Variants in CTNNA3 observed in about 807,000 individuals in gnomAD.
CTNNA3 encodes the protein catenin alpha-3.
In CTNNA3, 76 loss-of-function variants were observed where a neutral mutation model predicts 95.7. The ratio of observed to expected loss-of-function variants is 0.79; its 90% CI spans 0.66 to 0.96. The LOEUF (loss-of-function observed/expected upper bound fraction) is 0.96, where lower values mean the gene tolerates loss of function less well. Ranked by LOEUF, CTNNA3 falls within the 40% of genes least tolerant of loss-of-function variation. The pLI, the probability that CTNNA3 is intolerant of heterozygous loss-of-function variation, is 0.00. For missense variants in CTNNA3, 1,191 were observed against 1,089.8 expected (o/e 1.09, Z -1.31); for synonymous variants, 431 against 374.4 (o/e 1.15, Z -1.74).
At chr10:66,043,153 AAG>A (rs1160878030) in intron 15 of CTNNA3, among the ~76,000 whole-genome samples, 6 of 132,354 alleles carry the variant, frequency 4.5e-5, no homozygotes, top group African/African-American at 1.7e-4. Context: ...AAAAAAAAAA[AAG>A]AGAGAGAGAG....
At chr10:66,468,117 T>A (rs74587503) in intron 11 of CTNNA3, among the ~76,000 whole-genome samples, 1 of 152,036 alleles carries the variant, frequency 6.6e-6, no homozygotes, top group Non-Finnish European at 1.5e-5. Context: ...AATCAAGAAA[T>A]TCTTATTTGT....
intron 1 of CTNNA3, among the ~76,000 whole-genome samples, chr10:67,754,924 A>G (rs1397026890): frequency 6.6e-6 from 1 of 152,322 alleles, no homozygotes; most frequent in East Asian, 1.9e-4. Flanking sequence ...ATGGCTGGAC[A>G]TGGTGTCTCA....
rs115318040 is a variant in CTNNA3, at chr10:66,563,776, T to C, written c.1375-43003A>G. 4.5e-3 allele frequency among the ~76,000 whole-genome samples: 688 copies of C among 152,200 alleles called. 4 individuals carry two copies. The highest frequency in any genetic ancestry group is 0.013 in the African/African-American group (545 of 41,532). On this transcript the variant is annotated intron_variant, in intron 10 of 17. Transcript: ENST00000433211. ...ACAAATGCACATCTGATTGCTTCCTTTGCCCTATTGTTTCACGAAGCCAGA... is the reference window on the plus strand; with the variant it reads ...ACAAATGCACATCTGATTGCTTCCTCTGCCCTATTGTTTCACGAAGCCAGA...
At chr10:66,885,052 A>G (rs921447092) in intron 7 of CTNNA3, among the ~76,000 whole-genome samples, 1 of 152,172 alleles carries the variant, frequency 6.6e-6, no homozygotes, top group African/African-American at 2.4e-5. Context: ...CAAGAACCTG[A>G]AGCAATAATG....
intron 10 of CTNNA3, among the ~76,000 whole-genome samples, chr10:66,546,139 C>A (rs1426796705): frequency 6.6e-6 from 1 of 151,742 alleles, no homozygotes; most frequent in Non-Finnish European, 1.5e-5. Flanking sequence ...GTTTACTACT[C>A]TTATTTCCTA....
At chr10:66,262,456 T>C (rs953090008) in intron 13 of CTNNA3, among the ~76,000 whole-genome samples, 4 of 152,058 alleles carry the variant, frequency 2.6e-5, no homozygotes, top group African/African-American at 9.7e-5. Flanking sequence ...AGGAGCTGTG[T>C]CAACAGTAGT....
At chr10:67,756,921 G>C (rs762605550) in intron 1 of CTNNA3, among the ~76,000 whole-genome samples, 1 of 152,244 alleles carries the variant, frequency 6.6e-6, no homozygotes, top group Middle Eastern at 3.4e-3. Flanking sequence ...TAGGGGAAAG[G>C]ACTAAAAGAA....
intron 5 of CTNNA3, among the ~76,000 whole-genome samples, chr10:67,233,000 G>C (rs1194842267): frequency 6.6e-6 from 1 of 152,208 alleles, no homozygotes; most frequent in African/African-American, 2.4e-5. Flanking sequence ...GGAGCACCCA[G>C]ATTCGTAAAG....
At chr10:66,866,936 T>G (rs1835770343) in intron 7 of CTNNA3, among the ~76,000 whole-genome samples, 1 of 152,110 alleles carries the variant, frequency 6.6e-6, no homozygotes, top group Non-Finnish European at 1.5e-5. Context: ...ATAGAGGTGG[T>G]TTCCTCCATA....
chr10:66,148,775 G>T (rs2084030593), intron 13 of CTNNA3, among the ~76,000 whole-genome samples: 1 of 152,078 alleles, frequency 6.6e-6, no homozygotes, highest in Admixed American at 6.6e-5. Flanking sequence ...GCAGGTTCAG[G>T]CTAAGGCATT....
chr10:65,950,748 T>G (rs545428833), intron 17 of CTNNA3, among the ~76,000 whole-genome samples: 1 of 152,206 alleles, frequency 6.6e-6, no homozygotes, highest in African/African-American at 2.4e-5. Flanking sequence ...AAATTCCTTT[T>G]GAATAATATG....
chr10:66,899,401 A>G (rs1845630164), intron 7 of CTNNA3, among the ~76,000 whole-genome samples: 1 of 152,176 alleles, frequency 6.6e-6, no homozygotes, highest in South Asian at 2.1e-4. Flanking sequence ...CGTTTCCAAG[A>G]TGGCCAAATA....
chr10:67,714,923 C>T (rs953686920), intron 1 of CTNNA3, among the ~76,000 whole-genome samples: 2 of 152,182 alleles, frequency 1.3e-5, no homozygotes, highest in Non-Finnish European at 2.9e-5. Context: ...CTTTCACCTT[C>T]CACCATGATT....
intron 11 of CTNNA3, among the ~76,000 whole-genome samples, chr10:66,511,108 C>G (rs564495630): frequency 1.3e-5 from 2 of 151,614 alleles, no homozygotes; most frequent in African/African-American, 4.8e-5. Context: ...TTGGTTCAAT[C>G]TTGGTATTTT....
chr10:67,668,032 T>G (rs1840362136), intron 1 of CTNNA3, among the ~76,000 whole-genome samples: 1 of 152,196 alleles, frequency 6.6e-6, no homozygotes, highest in Non-Finnish European at 1.5e-5. Context: ...TGTTTCTAGT[T>G]ACCCACTTAA....
chr10:67,528,539 C>T (rs573997511), intron 4 of CTNNA3, among the ~76,000 whole-genome samples: 4 of 152,314 alleles, frequency 2.6e-5, no homozygotes, highest in African/African-American at 9.6e-5. Context: ...CCCTCTGCCC[C>T]ACTACCTTCT....
chr10:66,635,399 A>G (rs1845299818), intron 9 of CTNNA3, among the ~76,000 whole-genome samples: 2 of 152,128 alleles, frequency 1.3e-5, no homozygotes, highest in African/African-American at 4.8e-5. Flanking sequence ...TAGATGTCAA[A>G]ACAATGCTAT....
intron 13 of CTNNA3, among the ~76,000 whole-genome samples, chr10:66,194,163 C>T (rs1197143445): frequency 1.3e-5 from 2 of 152,142 alleles, no homozygotes; most frequent in African/African-American, 2.4e-5. Context: ...ACCTGGGAGA[C>T]ACTTTTTAAA....
At chr10:66,567,972 C>T (rs1206750178) in intron 10 of CTNNA3, among the ~76,000 whole-genome samples, 3 of 152,190 alleles carry the variant, frequency 2.0e-5, no homozygotes, top group Middle Eastern at 3.2e-3. Flanking sequence ...GGAACAACTA[C>T]ACTAAAATAT....
Sources: gnomAD v4.1 joint callset for allele counts (sites outside exome capture counted in the v4.1 genomes callset) on GRCh38, gnomAD v4.1.1 for gene constraint, MANE v1.5 for transcripts, NCBI Gene and HGNC (gene_info 2026-07-23, HGNC 2026-07-21) for gene names.